Variants in SLC9A9 observed in about 807,000 individuals in gnomAD.
SLC9A9 encodes solute carrier family 9 member A9, also known as sodium/hydrogen exchanger 9.
A neutral mutation model predicts 77.8 loss-of-function variants in SLC9A9; 62 were observed. The ratio of observed to expected loss-of-function variants is 0.80; its 90% confidence interval spans 0.65 to 0.98. The LOEUF (loss-of-function observed/expected upper bound fraction) is 0.98. Ranked by LOEUF, SLC9A9 falls within the 50% of genes least tolerant of loss-of-function variation. The pLI is 0.00. For synonymous variants in SLC9A9, 320 were observed against 283.5 expected, an observed-to-expected ratio of 1.13 and a Z score of -1.29; for missense variants, 775 against 774.9, an observed-to-expected ratio of 1.00 and a Z score of 0.00.
intron 14 of SLC9A9, among the ~76,000 whole-genome samples, chr3:143,352,953 C>T (rs2032498453): frequency 2.6e-5 from 4 of 152,194 alleles, no homozygotes. Context: ...TGGTTTCCTG[C>T]TGTCAATAAA....
At chr3:143,786,860 T>G (rs2008072012) in intron 4 of SLC9A9, among the ~76,000 whole-genome samples, 1 of 152,144 alleles carries the variant, frequency 6.6e-6, no homozygotes, top group African/African-American at 2.4e-5. Context: ...CTCTGCTGTT[T>G]TGCAGCTGGC....
chr3:143,284,365 T>C (rs979489145), intron 14 of SLC9A9, among the ~76,000 whole-genome samples: 2 of 151,916 alleles, frequency 1.3e-5, no homozygotes, highest in Non-Finnish European at 2.9e-5. Context: ...ATTCATTTAA[T>C]GCCAGCTCCA....
chr3:143,681,716 T>C (rs1043718654), intron 5 of SLC9A9, among the ~76,000 whole-genome samples: 1 of 152,242 alleles, frequency 6.6e-6, no homozygotes, highest in Non-Finnish European at 1.5e-5. Context: ...TCTTCCTCCC[T>C]CAGGCTGCTG....
intron 12 of SLC9A9, among the ~76,000 whole-genome samples, chr3:143,448,779 G>C (rs1037044337): frequency 7.1e-6 from 1 of 141,360 alleles, no homozygotes; most frequent in African/African-American, 2.6e-5. Flanking sequence ...GATTATTCCA[G>C]TATAATATGC....
At chr3:143,814,086 G>T (rs988542162) in intron 2 of SLC9A9, among the ~76,000 whole-genome samples, 2 of 152,196 alleles carry the variant, frequency 1.3e-5, no homozygotes, top group African/African-American at 4.8e-5. Context: ...AGCAGGGTTT[G>T]TGGGTAAAAT....
chr3:143,652,394 T>C, intron 5 of SLC9A9, 34 bp from the exon 6 acceptor site: 1 of 1,544,816 alleles, frequency 6.5e-7, no homozygotes. Flanking sequence ...CAGGTTAGCT[T>C]GGATGCAGGC....
chr3:143,368,330 A>T (rs1326482162), intron 13 of SLC9A9, among the ~76,000 whole-genome samples: 1 of 152,238 alleles, frequency 6.6e-6, no homozygotes, highest in African/African-American at 2.4e-5. Context: ...TTCTGGCAAG[A>T]AATCTGTGAA....
intron 14 of SLC9A9, among the ~76,000 whole-genome samples, chr3:143,284,797 G>GGGTCCCTGCT (rs1418932368): frequency 6.6e-6 from 1 of 152,078 alleles, no homozygotes; most frequent in Non-Finnish European, 1.5e-5. Context: ...AATGCTGGGA[G>GGGTCCCTGCT]GGTCCCTGCT....
chr3:143,765,810 G>A (rs1576711534), intron 4 of SLC9A9, among the ~76,000 whole-genome samples: 1 of 152,164 alleles, frequency 6.6e-6, no homozygotes, highest in East Asian at 1.9e-4. Context: ...TGTCCTCTCT[G>A]ACTGTAGCCT....
chr3:143,457,062 C>T (rs1213907922), intron 12 of SLC9A9, among the ~76,000 whole-genome samples: 1 of 152,072 alleles, frequency 6.6e-6, no homozygotes, highest in Non-Finnish European at 1.5e-5. Flanking sequence ...TGCTCTGTTG[C>T]CAAGGCTGGA....
intron 4 of SLC9A9, among the ~76,000 whole-genome samples, chr3:143,746,202 G>C (rs189942591): frequency 6.6e-6 from 1 of 152,314 alleles, no homozygotes. Context: ...TGTCAGCTGG[G>C]GGACAAGTGT....
rs373091918 is a variant in SLC9A9, at chr3:143,433,984, C to T, written c.1469+33053G>A. Among the ~76,000 whole-genome samples the T allele has an allele frequency of 1.8e-4, 28 of 152,314 alleles. 1 individual carries two copies. The highest frequency in any genetic ancestry group is 6.3e-4 in the African/African-American group (26 of 41,572). On this transcript the variant is annotated intron_variant, in intron 12 of 15. Transcript: ENST00000316549. ...GGCGCTGTGGTTTGGATGAAGCTTTCCTGGCTCTGTCACCTACCTCTTAAC... is the reference window on the plus strand; with the variant it reads ...GGCGCTGTGGTTTGGATGAAGCTTTTCTGGCTCTGTCACCTACCTCTTAAC...
At chr3:143,385,302 A>G (rs1439681287) in intron 12 of SLC9A9, among the ~76,000 whole-genome samples, 1 of 152,078 alleles carries the variant, frequency 6.6e-6, no homozygotes, top group African/African-American at 2.4e-5. Context: ...TTTTCTATCT[A>G]TCTATCTAAT....
chr3:143,496,168 C>T (rs1175275447), intron 9 of SLC9A9, among the ~76,000 whole-genome samples: 1 of 152,136 alleles, frequency 6.6e-6, no homozygotes, highest in East Asian at 1.9e-4. Context: ...TAATAACATG[C>T]TATGATGAGG....
intron 5 of SLC9A9, among the ~76,000 whole-genome samples, chr3:143,685,772 T>C (rs1271361171): frequency 2.6e-5 from 4 of 152,170 alleles, no homozygotes; most frequent in Non-Finnish European, 4.4e-5. Flanking sequence ...GAAGCTACTA[T>C]TTTGAACATC....
chr3:143,719,418 C>T (rs1934436419), intron 4 of SLC9A9, among the ~76,000 whole-genome samples: 1 of 151,992 alleles, frequency 6.6e-6, no homozygotes, highest in Non-Finnish European at 1.5e-5. Context: ...AATAAAAATC[C>T]ATGATGAAAG....
At chr3:143,418,545 C>T (rs939583013) in intron 12 of SLC9A9, among the ~76,000 whole-genome samples, 6 of 151,802 alleles carry the variant, frequency 4.0e-5, no homozygotes, top group Non-Finnish European at 7.4e-5. Flanking sequence ...AGGTGGCAGG[C>T]GAGGGGTGGA....
intron 4 of SLC9A9, among the ~76,000 whole-genome samples, chr3:143,755,718 A>T (rs897976047): frequency 4.6e-5 from 7 of 152,198 alleles, no homozygotes; most frequent in Non-Finnish European, 7.3e-5. Flanking sequence ...ATACCCTCTG[A>T]CTTCCAAAAG....
rs1576558055 is a variant in SLC9A9, at chr3:143,532,165, C to T, written c.1089+20197G>A. Among the ~76,000 whole-genome samples, 7 of 152,254 alleles carry T rather than the reference C, an allele frequency of 4.6e-5. 2 individuals are homozygous for T. In the South Asian group the frequency reaches 1.5e-3, roughly 32 times the overall value. The stretch of plus-strand genomic sequence containing the variant: ...GTGTCTAATATGATAAACATTGATA[C>T]ATGTAATCAGTGGTATGCTGCTAGA... On this transcript the variant is annotated intron_variant, in intron 9 of 15. Coordinates refer to ENST00000316549, the MANE Select transcript of SLC9A9 (RefSeq NM_173653.4).
Sources: gnomAD v4.1 joint callset for allele counts (sites outside exome capture counted in the v4.1 genomes callset) on GRCh38, gnomAD v4.1.1 for gene constraint, MANE v1.5 for transcripts, NCBI Gene and HGNC (gene_info 2026-07-23, HGNC 2026-07-21) for gene names.